Variants in GPC6 observed in about 807,000 individuals in gnomAD.
GPC6 encodes glypican 6, also known as glypican-6.
GPC6 carries 14 observed loss-of-function variants against 55.2 expected under a neutral mutation model. That is an observed-to-expected ratio of 0.25 (90% CI 0.17 to 0.40). The LOEUF (loss-of-function observed/expected upper bound fraction) is 0.40, where lower values mean the gene tolerates loss of function less well. GPC6 is among the 10% of genes least tolerant of loss of function. The pLI, the probability that GPC6 is intolerant of heterozygous loss-of-function variation, is 1.00. For missense variants in GPC6, 641 were observed against 708.5 expected (o/e 0.90, Z 1.08); for synonymous variants, 278 against 259.6 (o/e 1.07, Z -0.68).
chr13:93,704,233 G>A (rs1318621918), intron 2 of GPC6, among the ~76,000 whole-genome samples: 2 of 151,676 alleles, frequency 1.3e-5, no homozygotes, highest in Non-Finnish European at 2.9e-5. Context: ...TTCTGATGTG[G>A]GCATATATTT....
At chr13:93,236,173 A>G (rs1027744053) in intron 1 of GPC6, among the ~76,000 whole-genome samples, 2 of 152,222 alleles carry the variant, frequency 1.3e-5, no homozygotes, top group Admixed American at 1.3e-4. Flanking sequence ...CTGGACCCTC[A>G]GATGGGAGCT....
rs547182255 is a variant in GPC6, at chr13:94,393,166, CAT to C, written c.1290-5299_1290-5298del. 6.6e-5 allele frequency among the ~76,000 whole-genome samples: 10 copies of C among 152,290 alleles called. No homozygotes were observed. In the East Asian group the frequency reaches 1.9e-3, roughly 29 times the overall value. On this transcript the variant is annotated intron_variant, in intron 7 of 8. Coordinates refer to ENST00000377047, the MANE Select transcript of GPC6 (RefSeq NM_005708.5). ...CCCTTATTTGAGACCCTTGAAACCA[CAT>C]GTGTTTCAGAATCCATAACTTCTTA... is the stretch of plus-strand genomic sequence containing the variant.
intron 6 of GPC6, among the ~76,000 whole-genome samples, chr13:94,318,669 T>C (rs920734552): frequency 2.6e-5 from 4 of 152,184 alleles, no homozygotes; most frequent in Admixed American, 2.6e-4. Context: ...TGAACTGCAT[T>C]TGAAACCACA....
At chr13:94,306,196 G>A (rs781510808) in intron 6 of GPC6, 73 bp downstream of exon 6, 2 of 1,551,092 alleles carry the variant, frequency 1.3e-6, no homozygotes, top group African/African-American at 2.7e-5. Flanking sequence ...ACTCCCAGGA[G>A]ATTCTGGAAA....
chr13:93,380,703 A>C (rs979261754), intron 1 of GPC6, among the ~76,000 whole-genome samples: 3 of 152,162 alleles, frequency 2.0e-5, no homozygotes, highest in African/African-American at 4.8e-5. Flanking sequence ...AAAAGCAGTC[A>C]GGCAAATTGT....
chr13:93,565,776 G>C (rs964033809), intron 2 of GPC6, among the ~76,000 whole-genome samples: 7 of 151,966 alleles, frequency 4.6e-5, no homozygotes, highest in Non-Finnish European at 8.8e-5. Context: ...ACAAAAATTA[G>C]CTGGGCTTAG....
chr13:93,970,649 A>T (rs754101042), intron 3 of GPC6, among the ~76,000 whole-genome samples: 1 of 152,208 alleles, frequency 6.6e-6, no homozygotes, highest in Non-Finnish European at 1.5e-5. Context: ...CCGGTCACTC[A>T]TGTTTATCAC....
intron 3 of GPC6, among the ~76,000 whole-genome samples, chr13:93,851,408 A>T (rs1216087480): frequency 6.6e-6 from 1 of 151,846 alleles, no homozygotes; most frequent in African/African-American, 2.4e-5. Context: ...TGTGTATCCT[A>T]AAAAAATTGG....
intron 1 of GPC6, among the ~76,000 whole-genome samples, chr13:93,245,426 A>G (rs1368366714): frequency 6.6e-6 from 1 of 152,068 alleles, no homozygotes; most frequent in Non-Finnish European, 1.5e-5. Context: ...AGAATGAGTG[A>G]TGTAGAGCAG....
intron 3 of GPC6, among the ~76,000 whole-genome samples, chr13:93,865,378 C>G (rs955385557): frequency 4.0e-5 from 6 of 151,662 alleles, no homozygotes; most frequent in Non-Finnish European, 8.9e-5. Flanking sequence ...GCAGCCAGGC[C>G]CAACATGCCA....
intron 3 of GPC6, among the ~76,000 whole-genome samples, chr13:93,860,608 A>G (rs1365971726): frequency 1.3e-5 from 2 of 151,634 alleles, no homozygotes; most frequent in African/African-American, 4.8e-5. Context: ...GGATGTGATG[A>G]TGGACTTGGG....
At chr13:94,371,736 G>A (rs78815524) in intron 6 of GPC6, among the ~76,000 whole-genome samples, 7,249 of 152,086 alleles carry the variant, frequency 0.048, 253 homozygotes, top group Non-Finnish European at 0.069. Flanking sequence ...CTGAAATGGT[G>A]GGGAAAAAAA....
chr13:93,901,934 C>A (rs1876380219), intron 3 of GPC6, among the ~76,000 whole-genome samples: 2 of 148,008 alleles, frequency 1.4e-5, no homozygotes, highest in South Asian at 2.2e-4. Context: ...AAAGTGTTTT[C>A]ATTGACACAT....
At chr13:94,021,101 T>C (rs759749565) in intron 3 of GPC6, among the ~76,000 whole-genome samples, 2 of 152,178 alleles carry the variant, frequency 1.3e-5, no homozygotes, top group South Asian at 4.1e-4. Flanking sequence ...AAGCATCAAC[T>C]CTTGCCCAAA....
At chr13:93,906,504 C>T (rs1465993297) in intron 3 of GPC6, among the ~76,000 whole-genome samples, 1 of 152,128 alleles carries the variant, frequency 6.6e-6, no homozygotes, top group Non-Finnish European at 1.5e-5. Flanking sequence ...ATTGAGATAC[C>T]ACTAAGATTA....
At chr13:93,749,638 T>C (rs1213570939) in intron 2 of GPC6, among the ~76,000 whole-genome samples, 1 of 152,054 alleles carries the variant, frequency 6.6e-6, no homozygotes, top group Non-Finnish European at 1.5e-5. Flanking sequence ...ATGTATGACA[T>C]TATGCTTTGC....
chr13:93,736,878 G>A (rs1316978289), intron 2 of GPC6, among the ~76,000 whole-genome samples: 1 of 152,070 alleles, frequency 6.6e-6, no homozygotes, highest in Non-Finnish European at 1.5e-5. Context: ...ATACTATTGA[G>A]TCCAATAGCA....
chr13:93,792,131 C>T (rs2138923974), intron 2 of GPC6, among the ~76,000 whole-genome samples: 1 of 152,362 alleles, frequency 6.6e-6, no homozygotes, highest in African/African-American at 2.4e-5. Context: ...CCTGCTTCCT[C>T]TTTCTAGCAG....
At chr13:93,617,084 C>A (rs577131495) in intron 2 of GPC6, among the ~76,000 whole-genome samples, 1 of 151,980 alleles carries the variant, frequency 6.6e-6, no homozygotes, top group Admixed American at 6.6e-5. Context: ...TATATTTAGG[C>A]CACACCAGAA....
Sources: gnomAD v4.1 joint callset for allele counts (sites outside exome capture counted in the v4.1 genomes callset) on GRCh38, gnomAD v4.1.1 for gene constraint, MANE v1.5 for transcripts, NCBI Gene and HGNC (gene_info 2026-07-23, HGNC 2026-07-21) for gene names.